The following ATG7 variants were observed in gnomAD, a reference collection of about 807,000 sequenced individuals.
ATG7 encodes the protein autophagy related 7, also known as ubiquitin-like modifier-activating enzyme ATG7.
ATG7 carries 70 observed loss-of-function variants against 82.4 expected under a neutral mutation model. The ratio of observed to expected loss-of-function variants is 0.85; its 90% confidence interval spans 0.70 to 1.04. The LOEUF is 1.04. ATG7 is among the 50% of genes least tolerant of loss of function. The probability of loss-of-function intolerance (pLI) is 0.00; values close to 1 mark genes in which losing one functional copy is unlikely to be tolerated. For missense variants in ATG7, 792 were observed against 864.3 expected, an observed-to-expected ratio of 0.92 and a Z score of 1.05; for synonymous variants, 287 against 313.0, an observed-to-expected ratio of 0.92 and a Z score of 0.88.
At position 11,525,176 on chromosome 3, in the gene ATG7, G is replaced by A. The variant is rs34276023; in HGVS notation, c.2080-29635G>A. On this transcript the variant is annotated intron_variant, in intron 20 of 20. Coordinates refer to ENST00000693202, the MANE Select transcript of ATG7 (RefSeq NM_001349232.2). ...CTCAGCCTCAGCTGGGACCACAGGC[G>A]TGCACTACCACACCCAGCTAATTTT... 9.5e-4 allele frequency among the ~76,000 whole-genome samples: 143 copies of A among 150,572 alleles called. 3 individuals are homozygous for A. The highest frequency in any genetic ancestry group is 3.2e-3 in the Admixed American group (48 of 15,144).
rs547764925 is a variant in ATG7 at position 11,542,080 on chromosome 3, G to A, written c.2080-12731G>A. On this transcript the variant is annotated intron_variant, in intron 20 of 20. Coordinates refer to ENST00000693202, the MANE Select transcript of ATG7 (RefSeq NM_001349232.2). ...CCAGGGATGCAGCGGAGAGGCTGGAGCACTGGACAGCATACCCCGTTGCTA... is the reference window on the plus strand; with the variant it reads ...CCAGGGATGCAGCGGAGAGGCTGGAACACTGGACAGCATACCCCGTTGCTA... 4.7e-3 allele frequency among the ~76,000 whole-genome samples: 722 copies of A among 152,364 alleles called. 5 individuals are homozygous for A. The highest frequency in any genetic ancestry group is 0.016 in the African/African-American group (681 of 41,594).
chr3:11,468,966 C>A (rs949586384), intron 20 of ATG7, among the ~76,000 whole-genome samples: 1 of 152,318 alleles, frequency 6.6e-6, no homozygotes, highest in East Asian at 1.9e-4. Context: ...AAAGCTGAAG[C>A]GGTGCACAGC....
At chr3:11,487,089 G>A (rs1187343714) in intron 20 of ATG7, among the ~76,000 whole-genome samples, 1 of 149,448 alleles carries the variant, frequency 6.7e-6, no homozygotes. Flanking sequence ...ATCTTGCACC[G>A]CCCTTAATCC....
intron 18 of ATG7, among the ~76,000 whole-genome samples, chr3:11,368,229 T>TA (rs760208581): frequency 0.058 from 6,345 of 109,256 alleles, 187 homozygotes; most frequent in East Asian, 0.11. Context: ...TTCTTTTACT[T>TA]AAAAAAAAAA....
intron 3 of ATG7, among the ~76,000 whole-genome samples, chr3:11,283,341 AG>A (rs1943392322): frequency 7.9e-5 from 12 of 152,200 alleles, no homozygotes; most frequent in Admixed American, 7.9e-4. Flanking sequence ...GGCAGTGACA[AG>A]AAAAACTACC....
intron 20 of ATG7, among the ~76,000 whole-genome samples, chr3:11,444,344 T>C (rs1260952177): frequency 1.3e-5 from 2 of 152,190 alleles, no homozygotes; most frequent in Middle Eastern, 6.3e-3. Flanking sequence ...CCTAGGGGGA[T>C]AATTTAATGC....
rs1435009302 is a variant in ATG7, at chr3:11,278,220, A to G, written c.-365-2774A>G. 4.6e-5 allele frequency among the ~76,000 whole-genome samples: 7 copies of G among 152,240 alleles called. No individual in the cohort carries two copies. The East Asian group carries it at 1.2e-3, about 25-fold the overall frequency. On this transcript the variant is annotated intron_variant, in intron 1 of 20. Coordinates refer to ENST00000693202, the MANE Select transcript of ATG7 (RefSeq NM_001349232.2). The stretch of plus-strand genomic sequence containing the variant: ...TGACTTACATTCTCAGCTTACAAAG[A>G]TAACAGGATTAAGAGATTAAAGACA...
At chr3:11,499,764 GAAAC>G (rs1184475494) in intron 20 of ATG7, among the ~76,000 whole-genome samples, 19 of 144,286 alleles carry the variant, frequency 1.3e-4, no homozygotes, top group East Asian at 4.0e-4. Flanking sequence ...AAAAAAAAAA[GAAAC>G]AAAAAATCTA....
intron 15 of ATG7, among the ~76,000 whole-genome samples, chr3:11,358,837 T>C (rs570827957): frequency 5.3e-5 from 8 of 152,332 alleles, no homozygotes; most frequent in African/African-American, 1.7e-4. Context: ...TTTGAGATAC[T>C]CTACACTGAA....
intron 19 of ATG7, among the ~76,000 whole-genome samples, chr3:11,425,225 A>G (rs2082264221): frequency 4.6e-5 from 7 of 152,134 alleles, no homozygotes; most frequent in Admixed American, 2.0e-4. Context: ...TGGCCACCCA[A>G]AATGCTAGGA....
At chr3:11,378,104 C>A (rs1351560822) in intron 18 of ATG7, among the ~76,000 whole-genome samples, 1 of 138,298 alleles carries the variant, frequency 7.2e-6, no homozygotes, top group African/African-American at 2.8e-5. Flanking sequence ...ACCTCTGCCT[C>A]CCAGGATCAA....
chr3:11,385,016 TTTTG>T (rs144742151), intron 19 of ATG7, among the ~76,000 whole-genome samples: 3,463 of 151,776 alleles, frequency 0.023, 108 homozygotes, highest in African/African-American at 0.074. Context: ...TAAATAGTGT[TTTTG>T]TTTGTTTGTT....
intron 3 of ATG7, among the ~76,000 whole-genome samples, chr3:11,296,126 C>G (rs538070558): frequency 6.6e-6 from 1 of 152,328 alleles, no homozygotes; most frequent in South Asian, 2.1e-4. Flanking sequence ...TTCTCTAGGA[C>G]TTTGTGGGGC....
chr3:11,570,506 A>C, the ATG7 span, among the ~76,000 whole-genome samples: 6 of 152,120 alleles, frequency 3.9e-5, no homozygotes, highest in Non-Finnish European at 8.8e-5. Context: ...TGCAGCCCCC[A>C]CGCCCTAATC....
intron 1 of ATG7, among the ~76,000 whole-genome samples, chr3:11,273,596 C>T (rs1941003776): frequency 6.6e-6 from 1 of 152,114 alleles, no homozygotes; most frequent in African/African-American, 2.4e-5. Flanking sequence ...TTTGTTATAT[C>T]CCCAGCATAT....
chr3:11,573,312 GAAGGAAGAAAGAAAGA>G, the ATG7 span, among the ~76,000 whole-genome samples: 17 of 9,834 alleles, frequency 1.7e-3, 1 homozygote, highest in East Asian at 3.9e-3. Context: ...AGAAAGGAAG[GAAGGAAGAAAGAAAGA>G]AAGAAAGAAA....
chr3:11,280,112 T>A (rs894231398), intron 1 of ATG7, among the ~76,000 whole-genome samples: 6 of 151,988 alleles, frequency 3.9e-5, no homozygotes, highest in Non-Finnish European at 7.4e-5. Flanking sequence ...AGTAGTGCTA[T>A]CTCAGCTGAC....
At chr3:11,418,150 G>C (rs568266934) in intron 19 of ATG7, among the ~76,000 whole-genome samples, 10 of 151,620 alleles carry the variant, frequency 6.6e-5, no homozygotes, top group African/African-American at 2.4e-4. Context: ...TGTTGTCCAG[G>C]CTGGAGTGCA....
intron 19 of ATG7, among the ~76,000 whole-genome samples, chr3:11,402,474 CTGA>C (rs1559546611): frequency 6.6e-6 from 1 of 152,058 alleles, no homozygotes; most frequent in Non-Finnish European, 1.5e-5. Context: ...AAGCTAGGGG[CTGA>C]TAAGACCCTG....
Sources: gnomAD v4.1 joint callset for allele counts (sites outside exome capture counted in the v4.1 genomes callset) on GRCh38, gnomAD v4.1.1 for gene constraint, MANE v1.5 for transcripts, NCBI Gene and HGNC (gene_info 2026-07-23, HGNC 2026-07-21) for gene names.